The following RNF166 variants were observed in gnomAD, a reference collection of about 807,000 sequenced individuals.
The protein encoded by RNF166 is ring finger protein 166.
RNF166 carries 19 observed loss-of-function variants against 29.4 expected under a neutral mutation model. The ratio of observed to expected loss-of-function variants is 0.65; its 90% confidence interval spans 0.45 to 0.95. The LOEUF is 0.95. Ranked by LOEUF, RNF166 falls within the 40% of genes least tolerant of loss-of-function variation. RNF166 has a pLI of 0.00. For missense variants in RNF166, 347 were observed against 322.1 expected (o/e 1.08, Z -0.59); for synonymous variants, 171 against 134.5 (o/e 1.27, Z -1.88).
rs1202106467 is a variant in RNF166, at chr16:88,698,563, T to C, written c.587A>G (p.Lys196Arg). Reference protein sequence around the residue: ...SAMPWGDPSYKSANFLQHLLH... With the variant: ...SAMPWGDPSYRSANFLQHLLH... ...CAGGTGCTGCAGGAAGTTGGCGCTCTTGTAGCTGGGGTCCCCCCAGGGCAT... is the reference window on the plus strand; with the variant it reads ...CAGGTGCTGCAGGAAGTTGGCGCTCCTGTAGCTGGGGTCCCCCCAGGGCAT... Residue 196 changes from lysine (K) to arginine (R), a missense_variant, in exon 5 of 6, where the codon AAG (lysine) becomes AGG (arginine). By Grantham distance (26) the Lys-to-Arg change is conservative (BLOSUM62 2). Coordinates refer to ENST00000312838, the MANE Select transcript of RNF166 (RefSeq NM_178841.4). The C allele has an allele frequency of 7.6e-6, 12 of 1,569,934 alleles. No homozygotes were observed. The highest frequency in any genetic ancestry group is 1.0e-5 in the Non-Finnish European group (12 of 1,157,410).
chr16:88,699,786 C>G lies in RNF166; in HGVS notation c.313-54G>C. 2.2e-6 allele frequency: 3 copies of G among 1,370,030 alleles called. No individual in the cohort carries two copies. In the South Asian group the frequency reaches 3.8e-5, roughly 17 times the overall value. 84.9% of individuals were successfully genotyped at this position (1,370,030 alleles called of 1,614,324 possible). On this transcript the variant is annotated intron_variant, in intron 2 of 5. Coordinates refer to ENST00000312838, the MANE Select transcript of RNF166 (RefSeq NM_178841.4). Reference sequence around the variant, plus strand: ...GGTCCTGAGAATCTGGAAGGGCCGTCCTGGGGAGGCCGAGACCTCAGGTGT... The same window carrying G: ...GGTCCTGAGAATCTGGAAGGGCCGTGCTGGGGAGGCCGAGACCTCAGGTGT...
At position 88,697,499 on chromosome 16, in the gene RNF166, G is replaced by A; in HGVS notation, c.*69C>T. The A allele has an allele frequency of 1.7e-6, 2 of 1,185,584 alleles. No homozygotes were observed. Among genetic ancestry groups the A allele is most frequent in the East Asian group, 2.6e-5 (1 of 38,660 alleles). 73.4% of individuals were successfully genotyped at this position (1,185,584 alleles called of 1,614,324 possible). A position where few individuals can be genotyped will look rare whatever the true frequency, so the allele number is the denominator to read the frequency against. On this transcript the variant is annotated 3_prime_UTR_variant, in exon 6 of 6. Coordinates refer to ENST00000312838, the MANE Select transcript of RNF166 (RefSeq NM_178841.4). The stretch of plus-strand genomic sequence containing the variant: ...GTCCGGTGAGGTGCGCTCCCGAGCA[G>A]GTGCCAGGTGCGACACAGGAGCGGG...
At chr16:88,702,712 A>T (rs749439382) in intron 1 of RNF166, 26 of 985,196 alleles carry the variant, frequency 2.6e-5, no homozygotes, top group Non-Finnish European at 3.0e-5. Flanking sequence ...TCAGCTTGAG[A>T]CCCGTCAGAA....
intron 1 of RNF166, chr16:88,704,482 T>C (rs530554875): frequency 4.1e-6 from 4 of 985,354 alleles, no homozygotes; most frequent in Non-Finnish European, 4.8e-6. Context: ...GGAAACTACA[T>C]TTTAGGAAAA....
At chr16:88,698,222 C>G (rs942470232) in intron 5 of RNF166, 1 of 630,722 alleles carries the variant, frequency 1.6e-6, no homozygotes, top group Admixed American at 2.6e-5. Context: ...CTGGCTCACC[C>G]TCGAGGGGTT....
rs1266141149 is a variant in RNF166, at chr16:88,697,502, G to A, written c.*66C>T. On this transcript the variant is annotated 3_prime_UTR_variant, in exon 6 of 6. Coordinates refer to ENST00000312838, the MANE Select transcript of RNF166 (RefSeq NM_178841.4). ...CGGTGAGGTGCGCTCCCGAGCAGGT[G>A]CCAGGTGCGACACAGGAGCGGGGAC... The A allele has an allele frequency of 1.2e-5, 15 of 1,213,612 alleles. No individual in the cohort carries two copies. Among genetic ancestry groups the A allele is most frequent in the East Asian group, 2.6e-5 (1 of 38,808 alleles). The allele number at this position is 1,213,612 out of a possible 1,614,324, so 75.2% of individuals were successfully genotyped here. A position where few individuals can be genotyped will look rare whatever the true frequency, so the allele number is the denominator to read the frequency against.
chr16:88,698,113 T>C, intron 5 of RNF166: 1 of 587,122 alleles, frequency 1.7e-6, no homozygotes, highest in Non-Finnish European at 3.0e-6. Context: ...GCCAGGTGTG[T>C]GCCTGACCCG....
chr16:88,701,279 G>C lies in RNF166; in HGVS notation c.295C>G (p.Arg99Gly), dbSNP rs754008108. ...GCGGGTACCTTTTTGTTGCAGCCTC[G>C]ACAGGGCGCTTTGTAGGATGAGAGC... ...KQLSSYKAPC[R>G]GCNKKVTLAK... The change falls in exon 2 of 6, where the codon CGA becomes GGA. Residue 99 changes from arginine (R) to glycine (G), a missense_variant. Coordinates refer to ENST00000312838, the MANE Select transcript of RNF166 (RefSeq NM_178841.4). 2 of 1,613,728 alleles carry C rather than the reference G, an allele frequency of 1.2e-6. No homozygotes were observed. The highest frequency in any genetic ancestry group is 1.1e-5 in the South Asian group (1 of 91,084).
intron 1 of RNF166, 156 bp from the exon 2 acceptor site, chr16:88,701,574 T>G: frequency 1.4e-6 from 1 of 701,376 alleles, no homozygotes; most frequent in South Asian, 2.0e-5. Flanking sequence ...CACTCCTATG[T>G]CCGGGGCCCA....
intron 5 of RNF166, 153 bp downstream of exon 5, chr16:88,698,349 C>CTTTCTG (rs1462043684): frequency 2.7e-6 from 2 of 736,388 alleles, no homozygotes; most frequent in African/African-American, 3.5e-5. Flanking sequence ...CAGGCAGCCC[C>CTTTCTG]CACAGAACCT....
chr16:88,702,635 G>T, intron 1 of RNF166: 2 of 934,992 alleles, frequency 2.1e-6, no homozygotes, highest in Non-Finnish European at 2.6e-6. Context: ...GCCACCACTG[G>T]ATTCCCACAG....
At chr16:88,698,416 C>G in intron 5 of RNF166, 86 bp downstream of exon 5, 2 of 1,058,924 alleles carry the variant, frequency 1.9e-6, no homozygotes, top group Non-Finnish European at 2.9e-6. Flanking sequence ...CTGAACCCTG[C>G]GGACCCTGAG....
chr16:88,699,951 C>G (rs11648894), intron 2 of RNF166: 1 of 420,436 alleles, frequency 2.4e-6, no homozygotes, highest in Non-Finnish European at 4.3e-6. Context: ...ACAATCTGGC[C>G]GAGGGCAGAA....
intron 5 of RNF166, 166 bp from the exon 6 acceptor site, chr16:88,697,799 T>A (rs372638035): frequency 1.3e-5 from 8 of 592,908 alleles, no homozygotes; most frequent in African/African-American, 7.5e-5. Context: ...TGCACGGTCC[T>A]CTGGGGGGTG....
At chr16:88,701,782 G>A (rs956833650) in intron 1 of RNF166, 1 of 245,736 alleles carries the variant, frequency 4.1e-6, no homozygotes, top group Non-Finnish European at 7.9e-6. Context: ...GGTGGGCTGT[G>A]GGGCGCAGGG....
chr16:88,705,635 G>C (rs1910709973), intron 1 of RNF166, among the ~76,000 whole-genome samples: 1 of 152,224 alleles, frequency 6.6e-6, no homozygotes, highest in African/African-American at 2.4e-5. Context: ...TGATCGGTGT[G>C]ACTCAAGTTC....
At position 88,699,569 on chromosome 16, in the gene RNF166, C is replaced by T. The variant is rs368554365; in HGVS notation, c.425+51G>A. On this transcript the variant is annotated intron_variant, in intron 3 of 5. Transcript: ENST00000312838. ...TGGGGCACTGCGCTTGCTCCCAGAACGAGGAAACCGCCGAGGACAGTTCCT... is the reference window on the plus strand; with the variant it reads ...TGGGGCACTGCGCTTGCTCCCAGAATGAGGAAACCGCCGAGGACAGTTCCT... 586 of 1,448,318 alleles carry T rather than the reference C, an allele frequency of 4.0e-4. 1 individual carries two copies. The highest frequency in any genetic ancestry group is 5.0e-4 in the Non-Finnish European group (529 of 1,049,540). 89.7% of individuals were successfully genotyped at this position (1,448,318 alleles called of 1,614,324 possible).
chr16:88,702,220 G>T (rs912437710), intron 1 of RNF166, among the ~76,000 whole-genome samples: 1 of 152,118 alleles, frequency 6.6e-6, no homozygotes, highest in South Asian at 2.1e-4. Flanking sequence ...AGCACCAGGC[G>T]CGAGAGCCCC....
chr16:88,698,644 C>T (rs758696494), intron 4 of RNF166, 35 bp from the exon 5 acceptor site: 56 of 1,447,846 alleles, frequency 3.9e-5, no homozygotes, highest in South Asian at 9.6e-5. Context: ...CGAGCCGGAC[C>T]GCGGAGAGGC....
Sources: gnomAD v4.1 joint callset for allele counts (sites outside exome capture counted in the v4.1 genomes callset) on GRCh38, gnomAD v4.1.1 for gene constraint, MANE v1.5 for transcripts, NCBI Gene and HGNC (gene_info 2026-07-23, HGNC 2026-07-21) for gene names.